Variants in PCGF5 observed in about 807,000 individuals in gnomAD.
PCGF5 encodes polycomb group ring finger 5, also known as polycomb group RING finger protein 5.
In PCGF5, 9 loss-of-function variants were observed where a neutral mutation model predicts 44.3. The observed-to-expected ratio is 0.20, with a 90% CI of 0.12 to 0.35. PCGF5 has a LOEUF of 0.35. PCGF5 is among the 10% of genes least tolerant of loss of function. The pLI is 1.00. For synonymous variants in PCGF5, 95 were observed against 102.5 expected, an observed-to-expected ratio of 0.93 and a Z score of 0.44; for missense variants, 146 against 305.3, an observed-to-expected ratio of 0.48 and a Z score of 3.89.
chr10:91,259,733 T>C (rs953781977), intron 6 of PCGF5, among the ~76,000 whole-genome samples: 2 of 152,178 alleles, frequency 1.3e-5, no homozygotes, highest in Non-Finnish European at 2.9e-5. Context: ...GATTTCCTAT[T>C]TAATAAATGG....
intron 1 of PCGF5, among the ~76,000 whole-genome samples, chr10:91,187,438 C>T (rs1478772845): frequency 1.3e-5 from 2 of 151,884 alleles, no homozygotes; most frequent in African/African-American, 4.8e-5. Flanking sequence ...GAAGGGATTC[C>T]TCTTCACTAC....
intron 3 of PCGF5, among the ~76,000 whole-genome samples, chr10:91,243,295 G>T (rs1430854001): frequency 6.6e-6 from 1 of 152,082 alleles, no homozygotes; most frequent in African/African-American, 2.4e-5. Flanking sequence ...AAAGGGATGT[G>T]GTGGGTTTTG....
intron 1 of PCGF5, among the ~76,000 whole-genome samples, chr10:91,197,146 T>G (rs1644551384): frequency 6.6e-6 from 1 of 152,342 alleles, no homozygotes; most frequent in South Asian, 2.1e-4. Flanking sequence ...AGTAATCATT[T>G]ATCTCTCACA....
In PCGF5 at chr10:91,238,902, C is replaced by A. The variant is rs77570369; in HGVS notation, c.113-1582C>A. Among the ~76,000 whole-genome samples, 331 of 151,962 alleles carry A rather than the reference C, an allele frequency of 2.2e-3. 7 individuals are homozygous for A. In the East Asian group the frequency reaches 0.054, roughly 25 times the overall value. On this transcript the variant is annotated intron_variant, in intron 2 of 9. Transcript: ENST00000336126. ...AAGCTTTTTCTTTTTTTAAGGTTTT[C>A]TGATACTGTCTTTTACCCACATTTT... is the stretch of plus-strand genomic sequence containing the variant.
At position 91,226,068 on chromosome 10, in the gene PCGF5, A is replaced by G. The variant is rs918277061; in HGVS notation, c.112+3085A>G. Among the ~76,000 whole-genome samples the G allele has an allele frequency of 2.0e-5, 3 of 152,100 alleles. No individual in the cohort carries two copies. The East Asian group carries it at 5.8e-4, about 29-fold the overall frequency. On this transcript the variant is annotated intron_variant, in intron 2 of 9. Coordinates refer to ENST00000336126, the MANE Select transcript of PCGF5 (RefSeq NM_032373.5). ...ATACAAAGAGTATCTTACTTATTTT[A>G]TACAAAGTCTACAATGTTATGATGC...
chr10:91,222,355 A>G (rs1280313269), intron 1 of PCGF5, among the ~76,000 whole-genome samples: 1 of 152,206 alleles, frequency 6.6e-6, no homozygotes, highest in Non-Finnish European at 1.5e-5. Context: ...TAAGTTTTTA[A>G]TCTTTTAACT....
intron 1 of PCGF5, among the ~76,000 whole-genome samples, chr10:91,193,694 C>T (rs1281799400): frequency 6.6e-6 from 1 of 152,028 alleles, no homozygotes; most frequent in Non-Finnish European, 1.5e-5. Flanking sequence ...ATTTTGATCA[C>T]AGAAGCAATA....
rs141335980 is a variant in PCGF5, at chr10:91,167,494, G to A, written c.-184+4413G>A. 4.7e-4 allele frequency among the ~76,000 whole-genome samples: 71 copies of A among 152,278 alleles called. 1 individual carries two copies. In the East Asian group the frequency reaches 9.4e-3, roughly 20 times the overall value. ...TGAGCAAGGCTTAAAAAATTGAGAC[G>A]ACTTCAATCGGCAAAAATGTAGGGA... On this transcript the variant is annotated intron_variant, in intron 1 of 9. Coordinates refer to the PCGF5 transcript ENST00000614189.
At chr10:91,162,502 G>T (rs190019368), upstream of PCGF5, among the ~76,000 whole-genome samples, 2 of 152,150 alleles carry the variant, frequency 1.3e-5, no homozygotes, top group African/African-American at 4.8e-5. Context: ...GGGGGAGAAG[G>T]TGCCCCCTCA....
At chr10:91,221,916 A>G (rs1420657364) in intron 1 of PCGF5, among the ~76,000 whole-genome samples, 3 of 152,222 alleles carry the variant, frequency 2.0e-5, no homozygotes, top group South Asian at 2.1e-4. Flanking sequence ...GATTGCACTG[A>G]GAATAGCATT....
In PCGF5 at chr10:91,248,496, C is replaced by T. The variant is rs769730591; in HGVS notation, c.210-9C>T. On this transcript the variant is annotated splice_polypyrimidine_tract_variant and intron_variant, in intron 3 of 9. Coordinates refer to ENST00000336126, the MANE Select transcript of PCGF5 (RefSeq NM_032373.5). ...ATTGTTAGTATTTTCTTTCTCCCCCCTTTCGAAGGTTGGACAATACATTAG... is the reference window on the plus strand; with the variant it reads ...ATTGTTAGTATTTTCTTTCTCCCCCTTTTCGAAGGTTGGACAATACATTAG... 1.2e-6 allele frequency: 2 copies of T among 1,609,694 alleles called. No homozygotes were observed. The highest frequency in any genetic ancestry group is 1.3e-5 in the African/African-American group (1 of 74,850).
chr10:91,159,732 T>C (rs1301902448), upstream of PCGF5, among the ~76,000 whole-genome samples: 2 of 152,254 alleles, frequency 1.3e-5, no homozygotes, highest in Admixed American at 1.3e-4. Context: ...AAGTAGATTC[T>C]ATCATTTTTC....
At chr10:91,164,862 C>G (rs1015444749) in intron 1 of PCGF5, among the ~76,000 whole-genome samples, 4 of 152,220 alleles carry the variant, frequency 2.6e-5, no homozygotes, top group African/African-American at 9.7e-5. Flanking sequence ...CGCTTAATCG[C>G]TATCTGATCT....
chr10:91,186,743 A>G (rs1843934321), intron 1 of PCGF5, among the ~76,000 whole-genome samples: 1 of 152,126 alleles, frequency 6.6e-6, no homozygotes, highest in East Asian at 1.9e-4. Flanking sequence ...CTTCAAGCCA[A>G]TGCCCTGCTC....
chr10:91,238,114 A>G (rs909815724), intron 2 of PCGF5, among the ~76,000 whole-genome samples: 2 of 152,240 alleles, frequency 1.3e-5, no homozygotes. Flanking sequence ...TGTTCAGGTT[A>G]TGTCTGAAGT....
Position 91,248,494 on chromosome 10 carries a change from C to G in PCGF5, c.210-11C>G, listed in dbSNP as rs747215047. 3 of 1,608,696 alleles carry G rather than the reference C, an allele frequency of 1.9e-6. No individual in the cohort carries two copies. Among genetic ancestry groups the G allele is most frequent in the Non-Finnish European group, 1.7e-6 (2 of 1,175,652 alleles). The stretch of plus-strand genomic sequence containing the variant: ...TCATTGTTAGTATTTTCTTTCTCCC[C>G]CCTTTCGAAGGTTGGACAATACATT... On this transcript the variant is annotated splice_polypyrimidine_tract_variant and intron_variant, in intron 3 of 9. Transcript: ENST00000336126.
intron 4 of PCGF5, 32 bp downstream of exon 4, chr10:91,248,592 T>G (rs200792982): frequency 1.9e-6 from 3 of 1,607,024 alleles, no homozygotes; most frequent in Non-Finnish European, 2.6e-6. Flanking sequence ...TGCAGACTTT[T>G]GTGTTTTATG....
chr10:91,264,186 A>C (rs982220731), intron 7 of PCGF5, among the ~76,000 whole-genome samples: 1 of 152,174 alleles, frequency 6.6e-6, no homozygotes, highest in Non-Finnish European at 1.5e-5. Flanking sequence ...TATGTGTATG[A>C]ACTTGAGATA....
intron 1 of PCGF5, among the ~76,000 whole-genome samples, chr10:91,183,419 T>C (rs758290690): frequency 4.9e-4 from 75 of 152,308 alleles, no homozygotes; most frequent in Non-Finnish European, 6.5e-4. Context: ...CCTCTGCTTT[T>C]TTTTTTTCCT....
Sources: allele counts gnomAD v4.1 joint callset (sites outside exome capture counted in the v4.1 genomes callset), GRCh38; gene constraint gnomAD v4.1.1; transcripts MANE v1.5; gene names NCBI Gene and HGNC (gene_info 2026-07-23, HGNC 2026-07-21).